The following SLC24A2 variants were observed in gnomAD, a reference collection of about 807,000 sequenced individuals.
SLC24A2 encodes solute carrier family 24 member 2, also known as sodium/potassium/calcium exchanger 2.
In SLC24A2, 36 loss-of-function variants were observed where a neutral mutation model predicts 62.0. The ratio of observed to expected loss-of-function variants is 0.58; its 90% CI spans 0.44 to 0.77. The LOEUF is 0.77. Ranked by LOEUF, SLC24A2 falls within the 30% of genes least tolerant of loss-of-function variation. The pLI is 0.00. For synonymous variants in SLC24A2, 358 were observed against 294.0 expected, an observed-to-expected ratio of 1.22 and a Z score of -2.23; for missense variants, 846 against 817.9, an observed-to-expected ratio of 1.03 and a Z score of -0.42.
At chr9:19,780,483 G>T (rs888166896) in intron 2 of SLC24A2, among the ~76,000 whole-genome samples, 2 of 151,606 alleles carry the variant, frequency 1.3e-5, no homozygotes, top group African/African-American at 2.4e-5. Flanking sequence ...GGCCAGGCTG[G>T]TTTTGAACTC....
chr9:19,569,846 T>C (rs899177308), intron 7 of SLC24A2, among the ~76,000 whole-genome samples: 9 of 152,218 alleles, frequency 5.9e-5, no homozygotes, highest in African/African-American at 2.2e-4. Context: ...TTTTTCTGTT[T>C]CTGAAACAAG....
At chr9:19,816,260 TATCCCCTAGG>T in the SLC24A2 span, among the ~76,000 whole-genome samples, 3 of 152,046 alleles carry the variant, frequency 2.0e-5, no homozygotes, top group Non-Finnish European at 4.4e-5. Context: ...GTTACTCCAC[TATCCCCTAGG>T]ATCTTAGAGT....
At position 19,762,190 on chromosome 9, in the gene SLC24A2, T is replaced by C. The variant is rs1822355598; in HGVS notation, c.930+23747A>G. On this transcript the variant is annotated intron_variant, in intron 2 of 10. Transcript: ENST00000341998. ...TTCTTGTAAATTTGTTGAAGTTCCTTGTAGATTCTGGATATTAGCCCTTTG... is the reference window on the plus strand; with the variant it reads ...TTCTTGTAAATTTGTTGAAGTTCCTCGTAGATTCTGGATATTAGCCCTTTG... Among the ~76,000 whole-genome samples the C allele has an allele frequency of 2.6e-5, 4 of 152,216 alleles. No homozygotes were observed. The South Asian group carries it at 8.3e-4, about 32-fold the overall frequency.
intron 10 of SLC24A2, among the ~76,000 whole-genome samples, chr9:19,520,218 T>G (rs1047825391): frequency 6.6e-6 from 1 of 152,228 alleles, no homozygotes; most frequent in African/African-American, 2.4e-5. Flanking sequence ...TATCTTATTC[T>G]CTCAGGGTAC....
chr9:19,657,573 A>T (rs990880429), intron 2 of SLC24A2, among the ~76,000 whole-genome samples: 1 of 151,608 alleles, frequency 6.6e-6, no homozygotes, highest in East Asian at 1.9e-4. Flanking sequence ...TTCTTTGAAC[A>T]GTTATACTTG....
At chr9:19,663,624 T>G (rs1018021793) in intron 2 of SLC24A2, among the ~76,000 whole-genome samples, 1 of 152,142 alleles carries the variant, frequency 6.6e-6, no homozygotes. Context: ...AGGGGTCAAC[T>G]CCAGCTTTTG....
intron 2 of SLC24A2, among the ~76,000 whole-genome samples, chr9:19,634,774 T>C (rs1017640743): frequency 1.6e-4 from 25 of 152,346 alleles, no homozygotes; most frequent in African/African-American, 5.8e-4. Flanking sequence ...ATCATTATCA[T>C]TGCTTTGAAC....
the SLC24A2 span, among the ~76,000 whole-genome samples, chr9:19,974,569 AG>A: frequency 6.6e-6 from 1 of 152,158 alleles, no homozygotes; most frequent in Non-Finnish European, 1.5e-5. Flanking sequence ...GCAACATCCT[AG>A]GGGGTCTGAA....
the SLC24A2 span, among the ~76,000 whole-genome samples, chr9:19,837,523 T>TC: frequency 7.2e-6 from 1 of 138,816 alleles, no homozygotes; most frequent in African/African-American, 2.6e-5. Flanking sequence ...AGGGATGCCT[T>TC]CCCTCACCAC....
At chr9:19,631,731 A>G (rs1818184433) in intron 2 of SLC24A2, among the ~76,000 whole-genome samples, 1 of 152,180 alleles carries the variant, frequency 6.6e-6, no homozygotes, top group African/African-American at 2.4e-5. Flanking sequence ...GACTGGGTCC[A>G]GTGTTGGGGC....
chr9:19,681,453 T>TATACTATGG (rs1428246277), intron 2 of SLC24A2, among the ~76,000 whole-genome samples: 1 of 152,140 alleles, frequency 6.6e-6, no homozygotes, highest in Admixed American at 6.6e-5. Context: ...TTATTTTGTT[T>TATACTATGG]ATACTATGGC....
chr9:20,145,795 A>G, the SLC24A2 span, among the ~76,000 whole-genome samples: 1 of 152,002 alleles, frequency 6.6e-6, no homozygotes, highest in Non-Finnish European at 1.5e-5. Flanking sequence ...GTATATGTGT[A>G]TATGCATATA....
the SLC24A2 span, among the ~76,000 whole-genome samples, chr9:20,001,499 C>T: frequency 9.2e-5 from 14 of 152,278 alleles, no homozygotes; most frequent in South Asian, 2.1e-4. Context: ...CATAACTGTC[C>T]CCAAGGTGTC....
the SLC24A2 span, among the ~76,000 whole-genome samples, chr9:20,065,574 G>T: frequency 1.8e-4 from 27 of 152,282 alleles, 1 homozygote; most frequent in East Asian, 2.5e-3. Context: ...CATGGGCATT[G>T]TTATAACCTA....
At chr9:20,182,942 G>C in the SLC24A2 span, among the ~76,000 whole-genome samples, 1 of 152,128 alleles carries the variant, frequency 6.6e-6, no homozygotes, top group Non-Finnish European at 1.5e-5. Flanking sequence ...TCCTTTAAGA[G>C]GCAACTATTC....
At chr9:19,703,538 C>T (rs560582590) in intron 2 of SLC24A2, among the ~76,000 whole-genome samples, 35 of 152,168 alleles carry the variant, frequency 2.3e-4, no homozygotes, top group African/African-American at 7.9e-4. Flanking sequence ...ATAATTGGCC[C>T]AAAGAACAAT....
chr9:19,906,613 C>A, the SLC24A2 span, among the ~76,000 whole-genome samples: 1 of 152,050 alleles, frequency 6.6e-6, no homozygotes, highest in African/African-American at 2.4e-5. Flanking sequence ...AGAGAAGAAT[C>A]AAATAGACGC....
intron 7 of SLC24A2, among the ~76,000 whole-genome samples, chr9:19,559,003 A>G (rs1835257197): frequency 6.6e-6 from 1 of 152,348 alleles, no homozygotes; most frequent in South Asian, 2.1e-4. Flanking sequence ...TCTACTAAAT[A>G]GGAAGTCAAG....
chr9:19,786,368 T>C lies in SLC24A2; in HGVS notation c.499A>G (p.Lys167Glu), dbSNP rs1564100910. 1 of 1,614,170 alleles carries C rather than the reference T, an allele frequency of 6.2e-7. No homozygotes were observed. Residue 167 changes from lysine (K) to glutamate (E), a missense_variant, in exon 2 of 11, where the codon AAA becomes GAA. Transcript: ENST00000341998. This position sits in a 1 kb window ranked among gnomAD's most constrained non-coding sequence, Gnocchi z 5.0. Reference sequence around the variant, plus strand: ...GCCACATCATCAGAGATGCCCAGTTTTTCAGTGATGACAGTCAAAGAAGGA... The same window carrying C: ...GCCACATCATCAGAGATGCCCAGTTCTTCAGTGATGACAGTCAAAGAAGGA... ...FVPSLTVITE[K>E]LGISDDVAGA... is the part of the protein sequence containing the mutation.
Sources: gnomAD v4.1 joint callset for allele counts (sites outside exome capture counted in the v4.1 genomes callset) on GRCh38, gnomAD v4.1.1 for gene constraint, Gnocchi (gnomAD v3.1) non-coding constraint, MANE v1.5 for transcripts, NCBI Gene and HGNC (gene_info 2026-07-23, HGNC 2026-07-21) for gene names.